Variants in SBK1 observed in about 807,000 individuals in gnomAD.
SBK1 encodes the protein SH3 domain binding kinase 1.
SBK1 carries 11 observed loss-of-function variants against 24.4 expected under a neutral mutation model. The ratio of observed to expected loss-of-function variants is 0.45; its 90% CI spans 0.28 to 0.75. The LOEUF is 0.75. Among genes scored for constraint, SBK1 ranks in the 30% least tolerant of loss-of-function variants. The pLI, the probability that SBK1 is intolerant of heterozygous loss-of-function variation, is 0.12. For synonymous variants in SBK1, 308 were observed against 284.4 expected (o/e 1.08, Z -0.83); for missense variants, 467 against 620.5 (o/e 0.75, Z 2.63).
chr16:28,317,598 G>A lies in SBK1; in HGVS notation c.207G>A (p.Leu69=), dbSNP rs1596554522. ...LGKGTYGKVD[L]VVYKGTGTKM... is the part of the protein sequence containing the mutation. ...AAGGCACCTATGGGAAGGTTGACCT[G>A]GTGGTCTACAAGGGCACAGGTGAAC... The change falls in exon 2 of 4, where the codon CTG becomes CTA. Residue 69 remains leucine, a synonymous_variant. Coordinates refer to ENST00000341901, the MANE Select transcript of SBK1 (RefSeq NM_001024401.3). This position sits in a 1 kb window ranked among gnomAD's most constrained non-coding sequence, Gnocchi z 4.2. 2 of 1,613,256 alleles carry A rather than the reference G, an allele frequency of 1.2e-6. No individual in the cohort carries two copies. The highest frequency in any genetic ancestry group is 1.7e-6 in the Non-Finnish European group (2 of 1,179,148).
intron 1 of SBK1, among the ~76,000 whole-genome samples, chr16:28,310,778 T>TG (rs541639298): frequency 1.1e-3 from 163 of 152,274 alleles, no homozygotes; most frequent in African/African-American, 3.7e-3. Flanking sequence ...AAGTCCTGTG[T>TG]GAATGTTGGT....
chr16:28,263,411 A>G lies in SBK1; in HGVS notation c.257+3909A>G, dbSNP rs144966630. 2.2e-3 allele frequency among the ~76,000 whole-genome samples: 329 copies of G among 152,320 alleles called. 2 individuals are homozygous for G. Among genetic ancestry groups the G allele is most frequent in the African/African-American group, 7.4e-3 (307 of 41,582 alleles). ...GTAAACAGGGAGGTGAGGATATTTC[A>G]TCTAAGACCTAGAGAATGAGAAGTA... On this transcript the variant is annotated intron_variant, in intron 1 of 3. Coordinates refer to the SBK1 transcript ENST00000671413.
chr16:28,284,752 A>G (rs1280526022), intron 1 of SBK1: 1 of 152,122 alleles, frequency 6.6e-6, no homozygotes, highest in Non-Finnish European at 1.5e-5. Flanking sequence ...AAACAGAATC[A>G]CATAGTGAAA....
At position 28,305,546 on chromosome 16, in the gene SBK1, T is replaced by C. The variant is rs1455790402; in HGVS notation, c.-7-11839T>C. On this transcript the variant is annotated intron_variant, in intron 1 of 3. Coordinates refer to ENST00000341901, the MANE Select transcript of SBK1 (RefSeq NM_001024401.3). Reference sequence around the variant, plus strand: ...CTCTCTTTCTTTGTTTCTTTTTTTTTTTTTTTAGAGAGACTTTCTCTGTCG... The same window carrying C: ...CTCTCTTTCTTTGTTTCTTTTTTTTCTTTTTTAGAGAGACTTTCTCTGTCG... 5.9e-5 allele frequency among the ~76,000 whole-genome samples: 9 copies of C among 151,310 alleles called. No individual in the cohort carries two copies. The South Asian group carries it at 1.3e-3, about 21-fold the overall frequency.
At chr16:28,311,731 C>T (rs1028210005) in intron 1 of SBK1, among the ~76,000 whole-genome samples, 3 of 151,790 alleles carry the variant, frequency 2.0e-5, no homozygotes, top group Non-Finnish European at 4.4e-5. Context: ...TAAATAAGTG[C>T]ATTAAATAAA....
At chr16:28,312,572 G>C (rs1021898856) in intron 1 of SBK1, among the ~76,000 whole-genome samples, 1 of 152,196 alleles carries the variant, frequency 6.6e-6, no homozygotes, top group Admixed American at 6.5e-5. Context: ...ATGTGGGACC[G>C]GGTTCTCTGG....
At chr16:28,312,793 A>G in intron 1 of SBK1, among the ~76,000 whole-genome samples, 1 of 152,188 alleles carries the variant, frequency 6.6e-6, no homozygotes, top group East Asian at 1.9e-4. Context: ...TGAGCCCAGG[A>G]GTTCAAGACC....
chr16:28,310,262 T>C (rs1358231886), intron 1 of SBK1, among the ~76,000 whole-genome samples: 1 of 152,178 alleles, frequency 6.6e-6, no homozygotes, highest in Non-Finnish European at 1.5e-5. Context: ...CAGCCCGGCG[T>C]GAACAGAGGT....
chr16:28,313,703 G>A (rs563966269), intron 1 of SBK1, among the ~76,000 whole-genome samples: 1 of 152,130 alleles, frequency 6.6e-6, no homozygotes, highest in Admixed American at 6.5e-5. Flanking sequence ...AGGGCGGGGA[G>A]GGGAGGGTTC....
Position 28,320,031 on chromosome 16 carries a change from C to T in SBK1, c.430-45C>T, listed in dbSNP as rs1359461014. Reference sequence around the variant, plus strand: ...CTGGAGGGGAGGGCGGCGGGGCGGGCGCTGGAGAGCTGGAAACAGCGCGGC... The same window carrying T: ...CTGGAGGGGAGGGCGGCGGGGCGGGTGCTGGAGAGCTGGAAACAGCGCGGC... On this transcript the variant is annotated intron_variant, in intron 3 of 3. Coordinates refer to ENST00000341901, the MANE Select transcript of SBK1 (RefSeq NM_001024401.3). This position sits in a 1 kb window ranked among gnomAD's most constrained non-coding sequence, Gnocchi z 8.5. The T allele has an allele frequency of 1.6e-5, 23 of 1,428,340 alleles. No homozygotes were observed. Among genetic ancestry groups the T allele is most frequent in the Admixed American group, 2.9e-5 (1 of 34,886 alleles). 88.5% of individuals were successfully genotyped at this position (1,428,340 alleles called of 1,614,324 possible).
chr16:28,280,312 TA>T (rs2044525821), intron 1 of SBK1, among the ~76,000 whole-genome samples: 1 of 138,506 alleles, frequency 7.2e-6, no homozygotes, highest in African/African-American at 2.6e-5. Flanking sequence ...TATATGTATA[TA>T]ATATATATAT....
At position 28,317,521 on chromosome 16, in the gene SBK1, C is replaced by G. The variant is rs2044806408; in HGVS notation, c.130C>G (p.Leu44Val). The G allele has an allele frequency of 6.2e-7, 1 of 1,614,216 alleles. No individual in the cohort carries two copies. The highest frequency in any genetic ancestry group is 8.5e-7 in the Non-Finnish European group (1 of 1,180,050). The change falls in exon 2 of 4, where the codon CTG becomes GTG. Residue 44 changes from leucine (L) to valine (V), a missense_variant. Around this residue, in one of 4 missense-constraint regions of SBK1, gnomAD observed 123 missense variants for 158.2 expected, o/e 0.78. Coordinates refer to ENST00000341901, the MANE Select transcript of SBK1 (RefSeq NM_001024401.3). This position sits in a 1 kb window ranked among gnomAD's most constrained non-coding sequence, Gnocchi z 4.2. ...EDMQALTLRTLAASDVTKHYE... is the reference protein window; with the variant it reads ...EDMQALTLRTVAASDVTKHYE... ...CATGCAGGCCCTGACTCTCCGCACA[C>G]TGGCCGCCAGCGACGTCACCAAGCA... is the stretch of plus-strand genomic sequence containing the variant.
chr16:28,301,921 G>T (rs979495997), intron 1 of SBK1, among the ~76,000 whole-genome samples: 2 of 152,224 alleles, frequency 1.3e-5, no homozygotes, highest in Non-Finnish European at 2.9e-5. Flanking sequence ...ACCCCGAAGG[G>T]AAGACAAGGA....
rs529268344 is a variant in SBK1 at position 28,273,078 on chromosome 16, A to AT, written c.257+13583dup. On this transcript the variant is annotated intron_variant, in intron 1 of 3. Coordinates refer to the SBK1 transcript ENST00000671413. ...GAGTGCTAATACCATTTTGAGAATT[A>AT]TTTTTTTCTTTTTTTAGAGACAGGG... Among the ~76,000 whole-genome samples, 23 of 150,318 alleles carry AT rather than the reference A, an allele frequency of 1.5e-4. No homozygotes were observed. The South Asian group carries it at 4.7e-3, about 30-fold the overall frequency.
Position 28,268,020 on chromosome 16 carries a change from A to G in SBK1, c.257+8518A>G, listed in dbSNP as rs1213389213. On this transcript the variant is annotated intron_variant, in intron 1 of 3. Coordinates refer to the SBK1 transcript ENST00000671413. ...AAATTAACCAGGCGTGGTGGTGTGC[A>G]CCTGTAGTCCCAGCTACTTGGGGGG... 1.3e-5 allele frequency among the ~76,000 whole-genome samples: 2 copies of G among 151,902 alleles called. 1 individual carries two copies. Among genetic ancestry groups the G allele is most frequent in the East Asian group, 3.9e-4 (2 of 5,166 alleles).
At position 28,320,477 on chromosome 16, in the gene SBK1, G is replaced by A. The variant is rs1264287669; in HGVS notation, c.831G>A (p.Leu277=). 6.4e-7 allele frequency: 1 copy of A among 1,574,356 alleles called. No individual in the cohort carries two copies. Among genetic ancestry groups the A allele is most frequent in the African/African-American group, 1.4e-5 (1 of 73,472 alleles). Residue 277 remains leucine (L), a synonymous_variant, in exon 4 of 4, where the codon CTG becomes CTA. Transcript: ENST00000341901. The surrounding 1 kb of genome is among the most constrained non-coding windows in gnomAD (Gnocchi z 8.5). ...GGCAGCGGGGCCGCCTGCCGGGGCTGCCTTCGCAGTGGCGCCGCTTCACCG... is the reference window on the plus strand; with the variant it reads ...GGCAGCGGGGCCGCCTGCCGGGGCTACCTTCGCAGTGGCGCCGCTTCACCG... The part of the protein sequence containing the change: ...VRWQRGRLPG[L]PSQWRRFTEP...
chr16:28,265,363 G>A (rs182602558), intron 1 of SBK1, among the ~76,000 whole-genome samples: 1 of 152,160 alleles, frequency 6.6e-6, no homozygotes, highest in Non-Finnish European at 1.5e-5. Context: ...AGGTTACACC[G>A]AGCCATGATG....
intron 1 of SBK1, among the ~76,000 whole-genome samples, chr16:28,264,571 C>CAA (rs34293134): frequency 0.069 from 7,433 of 107,826 alleles, 438 homozygotes; most frequent in Admixed American, 0.23. Context: ...GACTCCGTCT[C>CAA]AAAAAAAAAA....
At position 28,271,346 on chromosome 16, in the gene SBK1, C is replaced by T. The variant is rs192969344; in HGVS notation, c.257+11844C>T. Among the ~76,000 whole-genome samples, 72 of 152,176 alleles carry T rather than the reference C, an allele frequency of 4.7e-4. No individual in the cohort carries two copies. In the East Asian group the frequency reaches 8.7e-3, roughly 18 times the overall value. ...CCAAAGCAGGCAGATCACCTGAGGT[C>T]GGGAGTTGAAGACCAGCCTGGCCAA... On this transcript the variant is annotated intron_variant, in intron 1 of 3. Transcript: ENST00000671413.
Sources: gnomAD v4.1 joint callset for allele counts (sites outside exome capture counted in the v4.1 genomes callset) on GRCh38, gnomAD v4.1.1 for gene constraint, gnomAD v4.1.1 regional missense constraint, Gnocchi (gnomAD v3.1) non-coding constraint, MANE v1.5 for transcripts, NCBI Gene and HGNC (gene_info 2026-07-23, HGNC 2026-07-21) for gene names.